ORC4: variants seen among roughly 807,000 people sequenced by gnomAD.
ORC4 encodes origin recognition complex subunit 4.
In ORC4, 55 loss-of-function variants were observed where a neutral mutation model predicts 63.9. The ratio of observed to expected loss-of-function variants is 0.86; its 90% CI spans 0.69 to 1.08. ORC4 has a LOEUF of 1.08. ORC4 is among the 50% of genes least tolerant of loss of function. The pLI is 0.00. For missense variants in ORC4, 511 were observed against 504.4 expected, an observed-to-expected ratio of 1.01 and a Z score of -0.13; for synonymous variants, 150 against 168.5, an observed-to-expected ratio of 0.89 and a Z score of 0.85.
rs193033266 is a variant in ORC4 at position 147,952,473 on chromosome 2, A to T, written c.488T>A (p.Leu163His). Residue 163 changes from leucine (L) to histidine (H), a missense_variant, in exon 8 of 14, where the codon CTT becomes CAT. Leu to His is a moderately conservative substitution (Grantham distance 99). Transcript: ENST00000392857. ...PVIFILDEFD[L>H]FAHHKNQTLL... ...TGTTTGGTTTTTATGATGAGCAAAAAGATCAAATTCATCTAATATGAAGAT... is the reference window on the plus strand; with the variant it reads ...TGTTTGGTTTTTATGATGAGCAAAATGATCAAATTCATCTAATATGAAGAT... 6.2e-7 allele frequency: 1 copy of T among 1,612,114 alleles called. No homozygotes were observed. Among genetic ancestry groups the T allele is most frequent in the Non-Finnish European group, 8.5e-7 (1 of 1,178,214 alleles).
intron 4 of ORC4, among the ~76,000 whole-genome samples, chr2:147,962,543 A>C (rs974425722): frequency 6.6e-6 from 1 of 152,062 alleles, no homozygotes; most frequent in East Asian, 1.9e-4. Flanking sequence ...ACAGAGACTG[A>C]GCCTATAATT....
intron 1 of ORC4, among the ~76,000 whole-genome samples, chr2:148,003,123 C>T (rs1231830316): frequency 6.6e-6 from 1 of 152,086 alleles, no homozygotes; most frequent in Non-Finnish European, 1.5e-5. Context: ...TAATTAATAG[C>T]CTACCAACCA....
rs1468316097 is a variant in ORC4 at position 147,931,699 on chromosome 2, C to CA, written c.*3810dup. The CA allele has an allele frequency of 2.6e-5, 4 of 151,970 alleles. No individual in the cohort carries two copies. The highest frequency in any genetic ancestry group is 5.9e-5 in the Non-Finnish European group (4 of 68,008). 9.4% of individuals were successfully genotyped at this position (151,970 alleles called of 1,614,324 possible). On this transcript the variant is annotated 3_prime_UTR_variant, in exon 14 of 14. Coordinates refer to ENST00000392857, the MANE Select transcript of ORC4 (RefSeq NM_181741.4). Reference sequence around the variant, plus strand: ...TCCAGCATATAAACAGAGCCAAAGACAAAAAACACATGATTATCTCAATAG... The same window carrying CA: ...TCCAGCATATAAACAGAGCCAAAGACAAAAAAACACATGATTATCTCAATAG...
chr2:147,991,373 C>T (rs1040451690), intron 1 of ORC4, among the ~76,000 whole-genome samples: 1 of 151,984 alleles, frequency 6.6e-6, no homozygotes, highest in East Asian at 1.9e-4. Context: ...AATAAGTGTA[C>T]TTACTTTATA....
intron 4 of ORC4, among the ~76,000 whole-genome samples, chr2:147,966,473 C>G (rs536237470): frequency 1.3e-5 from 2 of 151,690 alleles, no homozygotes; most frequent in Non-Finnish European, 2.9e-5. Context: ...AGTTGCTTAG[C>G]TAGACTAAGA....
chr2:148,017,197 G>A (rs1487308396), intron 1 of ORC4, among the ~76,000 whole-genome samples: 1 of 152,112 alleles, frequency 6.6e-6, no homozygotes, highest in African/African-American at 2.4e-5. Context: ...ATTTTCTATT[G>A]TTCACACTAA....
rs1687925204 is a variant in ORC4 at position 147,934,231 on chromosome 2, C to T, written c.*1279G>A. On this transcript the variant is annotated 3_prime_UTR_variant, in exon 14 of 14. Transcript: ENST00000392857. ...TTAAATAGATTGTAAGCTGCACAAG[C>T]ATAGGGACAGTCTGTCTTTTGTAAA... 1 of 152,120 alleles carries T rather than the reference C, an allele frequency of 6.6e-6. No homozygotes were observed. The highest frequency in any genetic ancestry group is 2.4e-5 in the African/African-American group (1 of 41,434). 9.4% of individuals were successfully genotyped at this position (152,120 alleles called of 1,614,324 possible).
chr2:148,003,575 A>C (rs980126283), intron 1 of ORC4, among the ~76,000 whole-genome samples: 1 of 152,212 alleles, frequency 6.6e-6, no homozygotes, highest in African/African-American at 2.4e-5. Context: ...TCATGCTAAA[A>C]ACTCTCAATA....
chr2:147,978,765 T>C (rs552997976), intron 1 of ORC4, among the ~76,000 whole-genome samples: 8 of 152,134 alleles, frequency 5.3e-5, no homozygotes, highest in Non-Finnish European at 1.2e-4. Flanking sequence ...ATTACCATGA[T>C]CAAGTGGGAT....
chr2:147,938,922 T>A (rs1440346121), intron 11 of ORC4, among the ~76,000 whole-genome samples: 1 of 152,190 alleles, frequency 6.6e-6, no homozygotes, highest in Non-Finnish European at 1.5e-5. Flanking sequence ...CAGTCTTACC[T>A]GGATTTCCAA....
chr2:147,977,186 T>A (rs1363896517), intron 1 of ORC4, among the ~76,000 whole-genome samples: 1 of 152,150 alleles, frequency 6.6e-6, no homozygotes, highest in Non-Finnish European at 1.5e-5. Context: ...AATCAAACAG[T>A]ATATAAATGG....
chr2:147,957,046 C>T (rs1394998361), intron 6 of ORC4, among the ~76,000 whole-genome samples: 1 of 150,022 alleles, frequency 6.7e-6, no homozygotes, highest in African/African-American at 2.4e-5. Context: ...TTGGAAGGGA[C>T]AAATTTACTC....
chr2:147,955,326 G>A lies in ORC4; in HGVS notation c.436+21C>T, dbSNP rs758926364. On this transcript the variant is annotated intron_variant, in intron 7 of 13. Transcript: ENST00000392857. ...AAGTTAAAACAGATCTTCTGAAACG[G>A]CTGAATATGTTAATATTTACCTTTT... The A allele has an allele frequency of 2.6e-6, 4 of 1,546,734 alleles. No individual in the cohort carries two copies. In the South Asian group the frequency reaches 4.5e-5, roughly 17 times the overall value.
intron 1 of ORC4, among the ~76,000 whole-genome samples, chr2:148,001,417 G>A (rs563664752): frequency 6.6e-6 from 1 of 152,214 alleles, no homozygotes; most frequent in South Asian, 2.1e-4. Context: ...TCTCTCTGCA[G>A]GAGCCCTATA....
chr2:148,000,492 A>C (rs1692234002), intron 1 of ORC4, among the ~76,000 whole-genome samples: 1 of 152,138 alleles, frequency 6.6e-6, no homozygotes, highest in Non-Finnish European at 1.5e-5. Flanking sequence ...GTTGGGGTAA[A>C]ATAAAGACAC....
chr2:147,932,429 TTTC>T lies in ORC4; in HGVS notation c.*3078_*3080del, dbSNP rs1687820866. The T allele has an allele frequency of 1.3e-5, 2 of 152,100 alleles. No individual in the cohort carries two copies. The highest frequency in any genetic ancestry group is 6.6e-5 in the Admixed American group (1 of 15,246). The allele number at this position is 152,100 out of a possible 1,614,324, so 9.4% of individuals were successfully genotyped here. A position where few individuals can be genotyped will look rare whatever the true frequency, so the allele number is the denominator to read the frequency against. ...CCATCCCCATCAAGCTACCAATGAC[TTTC>T]TTCACAGAATTGGAAAAAACTACTT... On this transcript the variant is annotated 3_prime_UTR_variant, in exon 14 of 14. Transcript: ENST00000392857.
rs2105256450 is a variant in ORC4 at position 147,938,246 on chromosome 2, CA to C, written c.1055-34del. 3 of 1,597,738 alleles carry C rather than the reference CA, an allele frequency of 1.9e-6. No individual in the cohort carries two copies. The East Asian group carries it at 6.7e-5, about 36-fold the overall frequency. ...GAAAGCAATGACAACATTATACCTT[CA>C]AATAAGCAGTGGGGAAGAGTCAGAA... On this transcript the variant is annotated intron_variant, in intron 12 of 13. Transcript: ENST00000392857.
At chr2:147,955,420 G>A in intron 6 of ORC4, 25 bp from the exon 7 acceptor site, 2 of 1,555,216 alleles carry the variant, frequency 1.3e-6, no homozygotes, top group East Asian at 4.5e-5. Flanking sequence ...GAGATAAAAT[G>A]ATTAAAAGTT....
intron 1 of ORC4, among the ~76,000 whole-genome samples, chr2:147,981,061 T>C (rs1020108846): frequency 1.3e-5 from 2 of 152,202 alleles, no homozygotes; most frequent in Non-Finnish European, 2.9e-5. Context: ...AATCCTGTCA[T>C]TTGCAGCAAC....
Sources: gnomAD v4.1 joint callset for allele counts (sites outside exome capture counted in the v4.1 genomes callset) on GRCh38, gnomAD v4.1.1 for gene constraint, MANE v1.5 for transcripts, NCBI Gene and HGNC (gene_info 2026-07-23, HGNC 2026-07-21) for gene names.